The following TXLNB variants were observed in gnomAD, a reference collection of about 807,000 sequenced individuals.
The protein encoded by TXLNB is taxilin beta, also known as beta-taxilin.
Under a neutral mutation model 57.4 loss-of-function variants are expected in TXLNB, and 37 were observed. The observed-to-expected ratio is 0.64, with a 90% CI of 0.50 to 0.85. TXLNB has a LOEUF of 0.85. Ranked by LOEUF, TXLNB falls within the 40% of genes least tolerant of loss-of-function variation. The probability of loss-of-function intolerance (pLI) is 0.00; values close to 1 mark genes in which losing one functional copy is unlikely to be tolerated. For missense variants in TXLNB, 848 were observed against 825.6 expected, an observed-to-expected ratio of 1.03 and a Z score of -0.33; for synonymous variants, 302 against 309.6, an observed-to-expected ratio of 0.98 and a Z score of 0.26.
At chr6:139,304,485 T>C in the TXLNB span, among the ~76,000 whole-genome samples, 1 of 152,182 alleles carries the variant, frequency 6.6e-6, no homozygotes. Context: ...AGGGGGTCAC[T>C]TCCACTAAAA....
chr6:139,219,118 C>A, the TXLNB span, among the ~76,000 whole-genome samples: 2 of 152,168 alleles, frequency 1.3e-5, no homozygotes, highest in Non-Finnish European at 2.9e-5. Context: ...TGCTGGCTTG[C>A]CCATTTCTCA....
chr6:139,294,424 T>C (rs558942753), upstream of TXLNB, among the ~76,000 whole-genome samples: 19 of 152,254 alleles, frequency 1.2e-4, no homozygotes, highest in African/African-American at 4.6e-4. Context: ...GGTCTGAATG[T>C]TTGTGTCCCC....
chr6:139,187,265 G>A, the TXLNB span, among the ~76,000 whole-genome samples: 1 of 152,092 alleles, frequency 6.6e-6, no homozygotes, highest in African/African-American at 2.4e-5. Context: ...AGACCCTCTA[G>A]TTGTAGGACT....
chr6:139,272,090 T>C (rs1449524151), intron 3 of TXLNB, among the ~76,000 whole-genome samples: 1 of 151,956 alleles, frequency 6.6e-6, no homozygotes, highest in Non-Finnish European at 1.5e-5. Flanking sequence ...AGGCAGATCA[T>C]GAGGTCAGGA....
At chr6:139,163,924 T>G in the TXLNB span, among the ~76,000 whole-genome samples, 1 of 152,052 alleles carries the variant, frequency 6.6e-6, no homozygotes, top group Non-Finnish European at 1.5e-5. Flanking sequence ...CAAATTCATG[T>G]CTCCTCCACC....
rs761731472 is a variant in TXLNB at position 139,288,701 on chromosome 6, T to C, written c.199A>G (p.Ile67Val). ...CTGGCAGCAGACCCATAAGTGTTAA[T>C]GATGTCTTCCAGCTGTCGATTCAGC... The part of the protein sequence containing the change: ...EELNRQLEDI[I>V]NTYGSAASTA... The change falls in exon 2 of 10, where the codon ATT becomes GTT. Residue 67 changes from isoleucine (I) to valine (V), a missense_variant. Ile to Val is a conservative substitution (Grantham distance 29). Coordinates refer to ENST00000358430, the MANE Select transcript of TXLNB (RefSeq NM_153235.4). 7 of 1,614,076 alleles carry C rather than the reference T, an allele frequency of 4.3e-6. No individual in the cohort carries two copies. The Admixed American group carries it at 8.3e-5, about 19-fold the overall frequency.
At chr6:139,293,612 T>G (rs1446793373), upstream of TXLNB, among the ~76,000 whole-genome samples, 1 of 151,946 alleles carries the variant, frequency 6.6e-6, no homozygotes, top group Non-Finnish European at 1.5e-5. Flanking sequence ...AATAGCAAAC[T>G]TATGTTATTT....
At chr6:139,176,414 T>C in the TXLNB span, among the ~76,000 whole-genome samples, 1 of 152,224 alleles carries the variant, frequency 6.6e-6, no homozygotes, top group Admixed American at 6.5e-5. This position sits in a 1 kb window ranked among gnomAD's most constrained non-coding sequence, Gnocchi z 4.5. Flanking sequence ...GCTGAAAGGT[T>C]CCAGGACTGT....
the TXLNB span, among the ~76,000 whole-genome samples, chr6:139,214,378 C>A: frequency 6.6e-6 from 1 of 152,104 alleles, no homozygotes; most frequent in East Asian, 1.9e-4. Context: ...AGACAAAAAC[C>A]ACATGATTAT....
At chr6:139,263,487 T>G (rs1357172375) in intron 4 of TXLNB, among the ~76,000 whole-genome samples, 1 of 152,320 alleles carries the variant, frequency 6.6e-6, no homozygotes, top group African/African-American at 2.4e-5. Context: ...ATATTAAGTT[T>G]CAAATCTTCT....
At position 139,243,207 on chromosome 6, in the gene TXLNB, G is replaced by A; in HGVS notation, c.1374C>T (p.Ile458=). The change falls in exon 10 of 10, where the codon ATC becomes ATT. Residue 458 remains isoleucine (I), a synonymous_variant. Coordinates refer to ENST00000358430, the MANE Select transcript of TXLNB (RefSeq NM_153235.4). ...QEERNELHKK[I]RDAEISEKDD... ...CCTTTTCAGATATTTCTGCGTCTCT[G>A]ATTTTTTTGTGGAGTTCGTTTCTCT... is the stretch of plus-strand genomic sequence containing the variant. 6.2e-7 allele frequency: 1 copy of A among 1,614,124 alleles called. No individual in the cohort carries two copies. The highest frequency in any genetic ancestry group is 8.5e-7 in the Non-Finnish European group (1 of 1,180,044).
At chr6:139,243,465 A>C (rs1776001046) in intron 9 of TXLNB, 151 bp from the exon 10 acceptor site, 1 of 707,708 alleles carries the variant, frequency 1.4e-6, no homozygotes, top group African/African-American at 1.8e-5. Context: ...GGGGCTGAAC[A>C]GATGCTTGGT....
intron 3 of TXLNB, among the ~76,000 whole-genome samples, 190 bp downstream of exon 3, chr6:139,276,640 C>T (rs1371731897): frequency 6.6e-6 from 1 of 152,218 alleles, no homozygotes; most frequent in African/African-American, 2.4e-5. Context: ...GAGAAGGCCA[C>T]TGCCTAGCTT....
At chr6:139,271,579 T>C (rs1355733092) in intron 3 of TXLNB, 1 of 152,234 alleles carries the variant, frequency 6.6e-6, no homozygotes, top group Non-Finnish European at 1.5e-5. Context: ...AAATATTGCA[T>C]GAGACATATT....
chr6:139,176,603 AG>A, the TXLNB span, among the ~76,000 whole-genome samples: 1 of 152,216 alleles, frequency 6.6e-6, no homozygotes, highest in Non-Finnish European at 1.5e-5. The surrounding 1 kb of genome is among the most constrained non-coding windows in gnomAD (Gnocchi z 4.5). Context: ...GAAATTTCAA[AG>A]AAGTTTCGTG....
At chr6:139,254,315 T>G (rs1582998346) in intron 7 of TXLNB, among the ~76,000 whole-genome samples, 2 of 150,026 alleles carry the variant, frequency 1.3e-5, no homozygotes, top group African/African-American at 2.4e-5. Context: ...TGAACACGAT[T>G]TGTGTGTGTG....
At chr6:139,298,115 G>T in the TXLNB span, among the ~76,000 whole-genome samples, 1 of 152,150 alleles carries the variant, frequency 6.6e-6, no homozygotes, top group Non-Finnish European at 1.5e-5. Context: ...CCTGTGAAAA[G>T]AATTGTTTTA....
At chr6:139,322,889 C>A in the TXLNB span, among the ~76,000 whole-genome samples, 1 of 152,148 alleles carries the variant, frequency 6.6e-6, no homozygotes, top group Non-Finnish European at 1.5e-5. Flanking sequence ...CAGGCATTTT[C>A]GCTGGGTTTT....
the TXLNB span, among the ~76,000 whole-genome samples, chr6:139,199,094 G>A: frequency 1.3e-5 from 2 of 151,280 alleles, no homozygotes; most frequent in Non-Finnish European, 2.9e-5. Context: ...ATTTAATCCT[G>A]ACTGGTGTAG....
Sources: allele counts gnomAD v4.1 joint callset (sites outside exome capture counted in the v4.1 genomes callset), GRCh38; gene constraint gnomAD v4.1.1; non-coding constraint Gnocchi (gnomAD v3.1); transcripts MANE v1.5; gene names NCBI Gene and HGNC (gene_info 2026-07-23, HGNC 2026-07-21).